Variants in ATRNL1 observed in about 807,000 individuals in gnomAD.
ATRNL1 encodes the protein attractin like 1, also known as attractin-like protein 1.
In ATRNL1, 95 loss-of-function variants were observed where a neutral mutation model predicts 182.7. The ratio of observed to expected loss-of-function variants is 0.52; its 90% CI spans 0.44 to 0.62. ATRNL1 has a LOEUF of 0.62. ATRNL1 is among the 20% of genes least tolerant of loss of function. The pLI is 0.00. For synonymous variants in ATRNL1, 576 were observed against 568.3 expected, an observed-to-expected ratio of 1.01 and a Z score of -0.19; for missense variants, 1,471 against 1,679.5, an observed-to-expected ratio of 0.88 and a Z score of 2.17.
chr10:115,644,400 G>A (rs1337801827), intron 26 of ATRNL1, among the ~76,000 whole-genome samples: 3 of 152,088 alleles, frequency 2.0e-5, no homozygotes, highest in African/African-American at 4.8e-5. Context: ...TAGTTCTCAC[G>A]ACAATATTGT....
chr10:115,492,670 G>A (rs1450080894), intron 24 of ATRNL1, among the ~76,000 whole-genome samples: 3 of 137,912 alleles, frequency 2.2e-5, no homozygotes, highest in Non-Finnish European at 3.1e-5. Context: ...TTGAGATGGG[G>A]TCTCACTCTG....
At chr10:115,615,636 C>T (rs1555020511) in intron 26 of ATRNL1, among the ~76,000 whole-genome samples, 1 of 152,022 alleles carries the variant, frequency 6.6e-6, no homozygotes, top group Non-Finnish European at 1.5e-5. Context: ...CGGTAGATTC[C>T]CCTATCAGTG....
intron 10 of ATRNL1, among the ~76,000 whole-genome samples, chr10:115,262,340 G>T (rs1851427750): frequency 6.6e-6 from 1 of 151,792 alleles, no homozygotes. Context: ...GAAAATTAGT[G>T]CATTGACATA....
intron 28 of ATRNL1, among the ~76,000 whole-genome samples, chr10:115,871,469 TTGTGTGTGTGTATATATATATA>T (rs1951581300): frequency 7.1e-6 from 1 of 140,296 alleles, no homozygotes; most frequent in African/African-American, 2.6e-5. Context: ...GTCAGATTCT[TTGTGTGTGTGTATATATATATA>T]TATATATATA....
rs1347174463 is a variant in ATRNL1 at position 115,138,667 on chromosome 10, G to A, written c.829+9132G>A. Among the ~76,000 whole-genome samples, 3 of 152,290 alleles carry A rather than the reference G, an allele frequency of 2.0e-5. No homozygotes were observed. The East Asian group carries it at 5.8e-4, about 30-fold the overall frequency. On this transcript the variant is annotated intron_variant, in intron 5 of 28. Coordinates refer to ENST00000355044, the MANE Select transcript of ATRNL1 (RefSeq NM_207303.4). Reference sequence around the variant, plus strand: ...GCTGTACAGAGCAGGGGGGCCCTGGGCCTGAGCCATGAAGTCATCTTTTCC... The same window carrying A: ...GCTGTACAGAGCAGGGGGGCCCTGGACCTGAGCCATGAAGTCATCTTTTCC...
intron 27 of ATRNL1, among the ~76,000 whole-genome samples, chr10:115,788,370 C>G (rs1241622193): frequency 2.1e-5 from 3 of 145,658 alleles, no homozygotes; most frequent in African/African-American, 8.4e-5. Context: ...AGATTTGCCC[C>G]CTCTGTAAAC....
intron 28 of ATRNL1, among the ~76,000 whole-genome samples, chr10:115,883,808 C>T (rs1374071128): frequency 2.6e-5 from 4 of 152,206 alleles, no homozygotes; most frequent in African/African-American, 9.7e-5. Context: ...GGGCCTTCTG[C>T]CTGGGTAAGA....
At chr10:115,187,386 A>G (rs1847982807) in intron 8 of ATRNL1, among the ~76,000 whole-genome samples, 1 of 152,212 alleles carries the variant, frequency 6.6e-6, no homozygotes, top group Non-Finnish European at 1.5e-5. Context: ...GTTATGGGAG[A>G]CAGAGAAAGG....
At chr10:115,816,845 C>T (rs1950177111) in intron 27 of ATRNL1, among the ~76,000 whole-genome samples, 1 of 152,110 alleles carries the variant, frequency 6.6e-6, no homozygotes. Flanking sequence ...TACTATGCCT[C>T]TGAAATATTT....
chr10:115,489,406 C>T (rs1377891854), intron 24 of ATRNL1, among the ~76,000 whole-genome samples: 2 of 152,104 alleles, frequency 1.3e-5, no homozygotes, highest in African/African-American at 4.8e-5. Context: ...AATCTGGGTG[C>T]TCCTGTATTG....
chr10:115,514,580 G>A (rs1297322890), intron 24 of ATRNL1, among the ~76,000 whole-genome samples: 3 of 151,774 alleles, frequency 2.0e-5, no homozygotes, highest in Admixed American at 2.0e-4. Flanking sequence ...ACCCACAGAT[G>A]GCAGGTAAAC....
At chr10:115,688,141 T>G (rs1946278041) in intron 26 of ATRNL1, among the ~76,000 whole-genome samples, 1 of 152,198 alleles carries the variant, frequency 6.6e-6, no homozygotes. Flanking sequence ...GGAAATGACA[T>G]GATTTCATTC....
chr10:115,709,200 C>T (rs528046035), intron 26 of ATRNL1, among the ~76,000 whole-genome samples: 3 of 151,804 alleles, frequency 2.0e-5, no homozygotes, highest in African/African-American at 7.2e-5. Flanking sequence ...TGAATTTTGA[C>T]CTACTTGGCC....
intron 4 of ATRNL1, among the ~76,000 whole-genome samples, chr10:115,128,932 G>A (rs1845100630): frequency 6.6e-6 from 1 of 151,568 alleles, no homozygotes; most frequent in East Asian, 1.9e-4. Flanking sequence ...ATACAACCAA[G>A]TTATATCTTG....
intron 25 of ATRNL1, among the ~76,000 whole-genome samples, chr10:115,527,321 G>A (rs782435652): frequency 3.3e-5 from 5 of 151,764 alleles, no homozygotes; most frequent in Non-Finnish European, 7.4e-5. Context: ...GGGTTTCACC[G>A]TGTTGCCCAG....
intron 13 of ATRNL1, among the ~76,000 whole-genome samples, chr10:115,280,476 G>T (rs782728096): frequency 6.6e-6 from 1 of 152,180 alleles, no homozygotes; most frequent in Non-Finnish European, 1.5e-5. Context: ...AAGCTTTCAT[G>T]TCTAGGATGT....
At chr10:115,117,073 T>G (rs1233585718) in intron 1 of ATRNL1, among the ~76,000 whole-genome samples, 1 of 151,978 alleles carries the variant, frequency 6.6e-6, no homozygotes, top group Non-Finnish European at 1.5e-5. Context: ...TATTTTTAAT[T>G]TTTGTGGGTA....
At chr10:115,892,549 T>G (rs943708220) in intron 28 of ATRNL1, among the ~76,000 whole-genome samples, 1 of 152,202 alleles carries the variant, frequency 6.6e-6, no homozygotes, top group Non-Finnish European at 1.5e-5. Flanking sequence ...ATGATACATA[T>G]CTTGTAAGAC....
intron 26 of ATRNL1, among the ~76,000 whole-genome samples, chr10:115,677,322 A>G (rs11197402): frequency 0.012 from 1,765 of 152,098 alleles, 33 homozygotes; most frequent in African/African-American, 0.04. Context: ...ATACAGGAAA[A>G]TCCCTCACAG....
Sources: allele counts gnomAD v4.1 joint callset (sites outside exome capture counted in the v4.1 genomes callset), GRCh38; gene constraint gnomAD v4.1.1; transcripts MANE v1.5; gene names NCBI Gene and HGNC (gene_info 2026-07-23, HGNC 2026-07-21).